PTPRD: variants seen among roughly 807,000 people sequenced by gnomAD.
PTPRD encodes the protein protein tyrosine phosphatase receptor type D.
In PTPRD, 34 loss-of-function variants were observed where a neutral mutation model predicts 214.5. That is an observed-to-expected ratio of 0.16 (90% CI 0.12 to 0.21). The LOEUF (loss-of-function observed/expected upper bound fraction) is 0.21. Among genes scored for constraint, PTPRD ranks in the 10% least tolerant of loss-of-function variants. The pLI, the probability that PTPRD is intolerant of heterozygous loss-of-function variation, is 1.00. For synonymous variants in PTPRD, 1,128 were observed against 845.7 expected, an observed-to-expected ratio of 1.33 and a Z score of -5.79; for missense variants, 2,545 against 2,398.7, an observed-to-expected ratio of 1.06 and a Z score of -1.27.
intron 5 of PTPRD, among the ~76,000 whole-genome samples, chr9:9,800,332 T>C (rs1256207463): frequency 6.6e-6 from 1 of 152,092 alleles, no homozygotes; most frequent in Non-Finnish European, 1.5e-5. Flanking sequence ...AGATCTTGTC[T>C]CTAAAAAAAT....
chr9:9,253,135 AG>A (rs1207518707), intron 9 of PTPRD, among the ~76,000 whole-genome samples: 1 of 152,088 alleles, frequency 6.6e-6, no homozygotes, highest in African/African-American at 2.4e-5. Flanking sequence ...CCCAGAATTC[AG>A]TCTTCTTATC....
chr9:9,544,311 T>G (rs2078268147), intron 8 of PTPRD, among the ~76,000 whole-genome samples: 2 of 151,710 alleles, frequency 1.3e-5, no homozygotes, highest in African/African-American at 4.8e-5. Flanking sequence ...TAAAAGCTTA[T>G]TTTTAGGTTT....
chr9:10,300,862 C>A (rs1298563624), intron 3 of PTPRD, among the ~76,000 whole-genome samples: 1 of 152,064 alleles, frequency 6.6e-6, no homozygotes, highest in African/African-American at 2.4e-5. Context: ...AACATTCCTG[C>A]CTGATAGCTC....
At chr9:8,750,463 A>G (rs2093404492) in intron 11 of PTPRD, among the ~76,000 whole-genome samples, 1 of 152,210 alleles carries the variant, frequency 6.6e-6, no homozygotes, top group South Asian at 2.1e-4. Context: ...CGGCCAAGTA[A>G]GTTTTTTTTA....
chr9:8,754,367 C>T (rs1223990603), intron 11 of PTPRD, among the ~76,000 whole-genome samples: 1 of 152,086 alleles, frequency 6.6e-6, no homozygotes, highest in Non-Finnish European at 1.5e-5. Flanking sequence ...TATTATAAAG[C>T]CACAGAAATT....
intron 11 of PTPRD, among the ~76,000 whole-genome samples, chr9:8,750,303 G>T (rs536279729): frequency 1.3e-5 from 2 of 151,596 alleles, no homozygotes; most frequent in African/African-American, 2.4e-5. Context: ...GACTACAGGC[G>T]CGGGCCACCA....
In PTPRD at chr9:8,317,040, A is replaced by AAAT. The variant is rs1260487153; in HGVS notation, c.*831_*833dup. ...CCCTGTTGATTCCAAAAACAAAACA[A>AAAT]AATAATAATTATCTTTGATTATTTG... is the stretch of plus-strand genomic sequence containing the variant. On this transcript the variant is annotated 3_prime_UTR_variant, in exon 46 of 46. Coordinates refer to ENST00000381196, the MANE Select transcript of PTPRD (RefSeq NM_002839.4). 4 of 231,654 alleles carry AAAT rather than the reference A, an allele frequency of 1.7e-5. No homozygotes were observed. Among genetic ancestry groups the AAAT allele is most frequent in the East Asian group, 1.2e-4 (2 of 16,356 alleles). 14.3% of individuals were successfully genotyped at this position (231,654 alleles called of 1,614,324 possible).
rs940837323 is a variant in PTPRD, at chr9:9,407,708, T to C, written c.-236-10226A>G. Among the ~76,000 whole-genome samples, 3 of 151,814 alleles carry C rather than the reference T, an allele frequency of 2.0e-5. No individual in the cohort carries two copies. The South Asian group carries it at 6.2e-4, about 31-fold the overall frequency. ...TTTCTTTACTTGTTCCTCTGTAAAA[T>C]TTGGAATCAGAGTATCTCCCTCACA... On this transcript the variant is annotated intron_variant, in intron 8 of 45. Coordinates refer to ENST00000381196, the MANE Select transcript of PTPRD (RefSeq NM_002839.4).
chr9:8,431,332 C>T (rs575648087), intron 35 of PTPRD, among the ~76,000 whole-genome samples: 5 of 152,214 alleles, frequency 3.3e-5, no homozygotes, highest in African/African-American at 9.6e-5. Context: ...AATAAAGCCA[C>T]CACAGAGAAA....
chr9:8,514,187 T>G (rs2097738751), intron 21 of PTPRD, among the ~76,000 whole-genome samples: 1 of 152,138 alleles, frequency 6.6e-6, no homozygotes, highest in Non-Finnish European at 1.5e-5. Flanking sequence ...AAAGATATGG[T>G]CTGTCTACTT....
chr9:9,298,259 A>AT (rs988436986), intron 9 of PTPRD, among the ~76,000 whole-genome samples: 19 of 151,462 alleles, frequency 1.3e-4, no homozygotes, highest in African/African-American at 3.6e-4. Context: ...TTTATCTTTT[A>AT]TTTTTTTTGG....
At chr9:9,205,404 A>G (rs965469595) in intron 9 of PTPRD, among the ~76,000 whole-genome samples, 2 of 152,180 alleles carry the variant, frequency 1.3e-5, no homozygotes, top group Non-Finnish European at 2.9e-5. Flanking sequence ...ATGATCATGT[A>G]TATCTAATTA....
intron 8 of PTPRD, among the ~76,000 whole-genome samples, chr9:9,440,607 G>C (rs766154617): frequency 6.6e-6 from 1 of 152,078 alleles, no homozygotes; most frequent in Non-Finnish European, 1.5e-5. Context: ...AATGATACTG[G>C]ATTCAGCAGT....
intron 4 of PTPRD, among the ~76,000 whole-genome samples, chr9:9,970,399 G>A (rs561504138): frequency 8.3e-4 from 116 of 138,990 alleles, no homozygotes; most frequent in African/African-American, 2.9e-3. Context: ...GCAGTGAGCC[G>A]AGAGCCTGGG....
chr9:8,517,637 G>C (rs1193006385), intron 21 of PTPRD, among the ~76,000 whole-genome samples: 3 of 152,310 alleles, frequency 2.0e-5, no homozygotes, highest in African/African-American at 7.2e-5. Flanking sequence ...TTAAAAAGAA[G>C]GGGTGTTAAT....
chr9:8,696,475 A>G (rs2097912938), intron 12 of PTPRD, among the ~76,000 whole-genome samples: 1 of 152,204 alleles, frequency 6.6e-6, no homozygotes, highest in Non-Finnish European at 1.5e-5. Context: ...TCACTGAGCA[A>G]TCCAGATGGG....
chr9:10,288,072 A>T (rs944831629), intron 3 of PTPRD, among the ~76,000 whole-genome samples: 4 of 147,394 alleles, frequency 2.7e-5, no homozygotes, highest in Middle Eastern at 3.2e-3. Context: ...GAATTCAAAA[A>T]TTTTTTCTAA....
intron 4 of PTPRD, among the ~76,000 whole-genome samples, chr9:9,947,313 A>G (rs10816258): frequency 0.32 from 23,263 of 73,168 alleles, 3,921 homozygotes; most frequent in East Asian, 0.83. Context: ...TTTTATATAT[A>G]TATTATATAT....
intron 4 of PTPRD, among the ~76,000 whole-genome samples, chr9:10,014,802 T>C (rs1328665550): frequency 1.3e-5 from 2 of 152,044 alleles, no homozygotes; most frequent in East Asian, 1.9e-4. Flanking sequence ...CAAAAGACCT[T>C]TGATGTGACT....
Sources: gnomAD v4.1 joint callset for allele counts (sites outside exome capture counted in the v4.1 genomes callset) on GRCh38, gnomAD v4.1.1 for gene constraint, MANE v1.5 for transcripts, NCBI Gene and HGNC (gene_info 2026-07-23, HGNC 2026-07-21) for gene names.